CCPG1: variants seen among roughly 807,000 people sequenced by gnomAD.
CCPG1 encodes the protein cell cycle progression 1.
A neutral mutation model predicts 81.3 loss-of-function variants in CCPG1; 46 were observed. The observed-to-expected ratio is 0.57, with a 90% confidence interval of 0.45 to 0.72. The LOEUF is 0.72. Ranked by LOEUF, CCPG1 falls within the 30% of genes least tolerant of loss-of-function variation. The pLI is 0.00. For synonymous variants in CCPG1, 330 were observed against 305.2 expected (o/e 1.08, Z -0.85); for missense variants, 902 against 937.6 (o/e 0.96, Z 0.50).
intron 1 of CCPG1, among the ~76,000 whole-genome samples, chr15:55,389,948 G>A (rs1027203106): frequency 9.9e-5 from 15 of 152,168 alleles, no homozygotes; most frequent in African/African-American, 3.1e-4. Context: ...GTTTTGAGAC[G>A]GAGTCTCGAG....
Position 55,360,932 on chromosome 15 carries a change from T to C in CCPG1, c.841A>G (p.Asn281Asp). 6.5e-7 allele frequency: 1 copy of C among 1,536,064 alleles called. No individual in the cohort carries two copies. The highest frequency in any genetic ancestry group is 8.7e-7 in the Non-Finnish European group (1 of 1,146,984). ...GTAAGTGTCCAACACCTTGCAAGAT[T>C]TTCTTTCAATGACTACATTTTTTTT... is the stretch of plus-strand genomic sequence containing the variant. ...SFIDYKSLKE[N>D]LARCWTLTEA... The change falls in exon 8 of 9, where the codon AAT becomes GAT. Residue 281 changes from asparagine (N) to aspartate (D), a missense_variant. Asn to Asp is a conservative substitution (Grantham distance 23). This residue lies in a region of CCPG1 where 746 missense variants were observed against 728.6 expected (regional missense o/e 1.02). Coordinates refer to ENST00000442196, the MANE Select transcript of CCPG1 (RefSeq NM_001204450.2).
Position 55,389,395 on chromosome 15 carries a change from T to C in CCPG1, c.30A>G (p.Ser10=), listed in dbSNP as rs372720027. 3 of 1,611,492 alleles carry C rather than the reference T, an allele frequency of 1.9e-6. No individual in the cohort carries two copies. The African/African-American group carries it at 4.0e-5, about 22-fold the overall frequency. ...GACTGATGACAGTCCAACCACAAGA[T>C]GAATCACTGTCACTGGAATTTTCAG... MSENSSDSD[S]SCGWTVISHE... is the part of the protein sequence containing the mutation. The change falls in exon 2 of 9, where the codon TCA becomes TCG. Residue 10 remains serine (S), a synonymous_variant. Coordinates refer to ENST00000442196, the MANE Select transcript of CCPG1 (RefSeq NM_001204450.2).
chr15:55,359,768 C>T lies in CCPG1; in HGVS notation c.2005G>A (p.Asp669Asn), dbSNP rs181651340. The T allele has an allele frequency of 2.9e-5, 46 of 1,613,282 alleles. No homozygotes were observed. The East Asian group carries it at 9.6e-4, about 34-fold the overall frequency. The change falls in exon 8 of 9, where the codon GAT becomes AAT. Residue 669 changes from aspartate (D) to asparagine (N), a missense_variant. By Grantham distance (23) the Asp-to-Asn change is conservative. Coordinates refer to ENST00000442196, the MANE Select transcript of CCPG1 (RefSeq NM_001204450.2). ...IIQRYMLKEL[D>N]TFCHWNELDQ... Reference sequence around the variant, plus strand: ...AGTTCGTTCCAGTGACAAAAAGTATCCAGTTCTTTTAACATGTACCTTTGA... The same window carrying T: ...AGTTCGTTCCAGTGACAAAAAGTATTCAGTTCTTTTAACATGTACCTTTGA...
At position 55,355,431 on chromosome 15, in the gene CCPG1, G is replaced by T; in HGVS notation, c.*789C>A. 2 of 1,604,556 alleles carry T rather than the reference G, an allele frequency of 1.2e-6. No homozygotes were observed. The highest frequency in any genetic ancestry group is 8.5e-7 in the Non-Finnish European group (1 of 1,175,888). ...AAATTCAACATGAAGATGAAATTCTGAACTTTCCTAGATAAATTAACATTG... is the reference window on the plus strand; with the variant it reads ...AAATTCAACATGAAGATGAAATTCTTAACTTTCCTAGATAAATTAACATTG... On this transcript the variant is annotated 3_prime_UTR_variant, in exon 9 of 9. Coordinates refer to ENST00000442196, the MANE Select transcript of CCPG1 (RefSeq NM_001204450.2).
intron 3 of CCPG1, among the ~76,000 whole-genome samples, chr15:55,380,453 G>A (rs970206226): frequency 6.6e-6 from 1 of 151,184 alleles, no homozygotes; most frequent in African/African-American, 2.4e-5. Context: ...CCACCACCAC[G>A]CCCGGCTAAT....
At chr15:55,395,099 T>G (rs2141330696) in intron 1 of CCPG1, among the ~76,000 whole-genome samples, 1 of 152,202 alleles carries the variant, frequency 6.6e-6, no homozygotes, top group East Asian at 1.9e-4. Context: ...TGTGATTGGC[T>G]TTCTGTGCGG....
chr15:55,385,945 T>C (rs2056789708), intron 2 of CCPG1, among the ~76,000 whole-genome samples: 1 of 152,170 alleles, frequency 6.6e-6, no homozygotes, highest in African/African-American at 2.4e-5. Context: ...AGCCCAAAAG[T>C]GGAATGCTCT....
chr15:55,386,357 A>C, intron 2 of CCPG1, among the ~76,000 whole-genome samples: 1 of 152,192 alleles, frequency 6.6e-6, no homozygotes, highest in East Asian at 1.9e-4. Context: ...TACTCTCCTC[A>C]CACAATTTTA....
chr15:55,368,841 G>A (rs1301024960), intron 6 of CCPG1, among the ~76,000 whole-genome samples: 2 of 152,222 alleles, frequency 1.3e-5, no homozygotes, highest in Non-Finnish European at 2.9e-5. Context: ...GCCAGGCACG[G>A]TGGCTCACGC....
At chr15:55,401,019 T>C (rs2057119134) in intron 1 of CCPG1, among the ~76,000 whole-genome samples, 1 of 152,224 alleles carries the variant, frequency 6.6e-6, no homozygotes, top group Non-Finnish European at 1.5e-5. Context: ...TATCTTGTTT[T>C]AGAAAGTTTT....
At chr15:55,400,271 G>A (rs1324306861) in intron 1 of CCPG1, among the ~76,000 whole-genome samples, 2 of 147,898 alleles carry the variant, frequency 1.4e-5, no homozygotes, top group Non-Finnish European at 1.5e-5. Flanking sequence ...AGCACTTTGG[G>A]AGGCCGAAGT....
chr15:55,407,030 C>A (rs1167350276), intron 1 of CCPG1, among the ~76,000 whole-genome samples: 3 of 134,162 alleles, frequency 2.2e-5, no homozygotes, highest in African/African-American at 9.7e-5. Context: ...CTGGCCGACA[C>A]GTTGAGACCC....
chr15:55,377,609 T>C (rs1422817438), intron 4 of CCPG1, among the ~76,000 whole-genome samples: 1 of 152,248 alleles, frequency 6.6e-6, no homozygotes, highest in African/African-American at 2.4e-5. Flanking sequence ...TGGAATGTAA[T>C]CGCCAATGTG....
chr15:55,376,057 T>A (rs1001183132), intron 5 of CCPG1, among the ~76,000 whole-genome samples: 1 of 152,216 alleles, frequency 6.6e-6, no homozygotes, highest in African/African-American at 2.4e-5. Flanking sequence ...CTGATTCTGG[T>A]TGGCAAATGT....
At chr15:55,376,030 G>A (rs2056557988) in intron 5 of CCPG1, among the ~76,000 whole-genome samples, 1 of 152,120 alleles carries the variant, frequency 6.6e-6, no homozygotes, top group African/African-American at 2.4e-5. Flanking sequence ...AAACTGGAAT[G>A]ACAGAAATTC....
chr15:55,396,623 T>G (rs1033799506), intron 1 of CCPG1, among the ~76,000 whole-genome samples: 1 of 152,232 alleles, frequency 6.6e-6, no homozygotes, highest in Non-Finnish European at 1.5e-5. Flanking sequence ...CTTAGACTTA[T>G]GTCGACAAAA....
At chr15:55,367,960 G>A (rs752164369) in intron 6 of CCPG1, among the ~76,000 whole-genome samples, 25 of 151,954 alleles carry the variant, frequency 1.6e-4, no homozygotes, top group African/African-American at 5.6e-4. Flanking sequence ...AAAAAGTTCC[G>A]GCACTTTTTT....
At chr15:55,393,316 T>C (rs2056958743) in intron 1 of CCPG1, among the ~76,000 whole-genome samples, 1 of 152,072 alleles carries the variant, frequency 6.6e-6, no homozygotes, top group Non-Finnish European at 1.5e-5. Context: ...GGCCCACACC[T>C]GTTGTCCTAG....
chr15:55,371,761 AGGTTAT>A (rs772185012), intron 6 of CCPG1, 26 bp downstream of exon 6: 2 of 1,599,276 alleles, frequency 1.3e-6, no homozygotes, highest in Admixed American at 3.4e-5. Context: ...CTATCCCATC[AGGTTAT>A]GTATAACACA....
Sources: gnomAD v4.1 joint callset for allele counts (sites outside exome capture counted in the v4.1 genomes callset) on GRCh38, gnomAD v4.1.1 for gene constraint, gnomAD v4.1.1 regional missense constraint, MANE v1.5 for transcripts, NCBI Gene and HGNC (gene_info 2026-07-23, HGNC 2026-07-21) for gene names.